Variants in ITSN1 observed in about 807,000 individuals in gnomAD.
ITSN1 encodes the protein intersectin 1.
In ITSN1, 58 loss-of-function variants were observed where a neutral mutation model predicts 239.8. The observed-to-expected ratio is 0.24, with a 90% CI of 0.20 to 0.30. The LOEUF is 0.30. Ranked by LOEUF, ITSN1 falls within the 10% of genes least tolerant of loss-of-function variation. The probability of loss-of-function intolerance (pLI) is 1.00; values close to 1 mark genes in which losing one functional copy is unlikely to be tolerated. For missense variants in ITSN1, 1,558 were observed against 2,103.3 expected, an observed-to-expected ratio of 0.74 and a Z score of 5.07; for synonymous variants, 780 against 770.8, an observed-to-expected ratio of 1.01 and a Z score of -0.20.
chr21:33,663,986 A>G (rs940438500), intron 1 of ITSN1, among the ~76,000 whole-genome samples: 3 of 152,192 alleles, frequency 2.0e-5, no homozygotes, highest in Admixed American at 6.5e-5. Flanking sequence ...CCCATCAGCT[A>G]TGTAGCTACT....
chr21:33,741,641 C>T (rs577395685), intron 5 of ITSN1, among the ~76,000 whole-genome samples: 23 of 151,954 alleles, frequency 1.5e-4, no homozygotes, highest in Non-Finnish European at 2.1e-4. Context: ...GCCTGTAATC[C>T]CAGCACTTTG....
At chr21:33,775,276 G>A (rs2069509007) in intron 14 of ITSN1, among the ~76,000 whole-genome samples, 168 bp downstream of exon 14, 1 of 152,220 alleles carries the variant, frequency 6.6e-6, no homozygotes, top group Admixed American at 6.5e-5. Context: ...AGCCTGTCAA[G>A]GAGACAAACT....
At chr21:33,814,441 C>A in intron 22 of ITSN1, 1 of 209,100 alleles carries the variant, frequency 4.8e-6, no homozygotes, top group South Asian at 1.1e-4. Flanking sequence ...TAAGGAAAAT[C>A]ACATACCCCT....
chr21:33,833,451 T>C (rs1015435977), intron 27 of ITSN1, among the ~76,000 whole-genome samples: 1 of 152,246 alleles, frequency 6.6e-6, no homozygotes, highest in South Asian at 2.1e-4. Flanking sequence ...GCATCTTGGC[T>C]TGCCACTAAC....
chr21:33,681,656 A>T (rs1192226448), intron 1 of ITSN1, among the ~76,000 whole-genome samples: 1 of 116,174 alleles, frequency 8.6e-6, no homozygotes, highest in Admixed American at 8.4e-5. Context: ...ATTTTATTTT[A>T]TTTTTTGTTT....
At position 33,795,360 on chromosome 21, in the gene ITSN1, G is replaced by A. The variant is rs1424408977; in HGVS notation, c.1952+892G>A. On this transcript the variant is annotated intron_variant, in intron 17 of 39. Coordinates refer to ENST00000381318, the MANE Select transcript of ITSN1 (RefSeq NM_003024.3). Reference sequence around the variant, plus strand: ...GCTACTTGGGAGGCTGAGGCAGGAGGATCACTTGAACCCGGGAGGCGGAGG... The same window carrying A: ...GCTACTTGGGAGGCTGAGGCAGGAGAATCACTTGAACCCGGGAGGCGGAGG... Among the ~76,000 whole-genome samples, 3 of 152,100 alleles carry A rather than the reference G, an allele frequency of 2.0e-5. No homozygotes were observed. The East Asian group carries it at 5.8e-4, about 29-fold the overall frequency.
At chr21:33,687,951 G>C (rs1171495074) in intron 1 of ITSN1, among the ~76,000 whole-genome samples, 1 of 152,166 alleles carries the variant, frequency 6.6e-6, no homozygotes, top group African/African-American at 2.4e-5. Flanking sequence ...AACCTCCTAA[G>C]AATTTTGATT....
intron 1 of ITSN1, among the ~76,000 whole-genome samples, chr21:33,706,913 G>A (rs1322187713): frequency 6.6e-6 from 1 of 152,062 alleles, no homozygotes; most frequent in Non-Finnish European, 1.5e-5. Flanking sequence ...AGTAGAGATG[G>A]GGTTTCACCA....
chr21:33,718,729 G>A (rs1162520343), intron 1 of ITSN1, 68 bp from the exon 2 acceptor site: 23 of 969,888 alleles, frequency 2.4e-5, no homozygotes, highest in Non-Finnish European at 3.8e-5. Flanking sequence ...AAGATAGCAT[G>A]TTGGTGTGTT....
intron 17 of ITSN1, among the ~76,000 whole-genome samples, chr21:33,796,712 A>C (rs2071590568): frequency 6.6e-6 from 1 of 152,216 alleles, no homozygotes; most frequent in Admixed American, 6.5e-5. Flanking sequence ...TCGCAGTTTA[A>C]AGGAGTTAAT....
chr21:33,681,527 C>T (rs1018815830), intron 1 of ITSN1, among the ~76,000 whole-genome samples: 2 of 150,844 alleles, frequency 1.3e-5, no homozygotes, highest in East Asian at 2.0e-4. Flanking sequence ...CCAGCCTGGG[C>T]GACAGAGTGA....
At position 33,834,247 on chromosome 21, in the gene ITSN1, T is replaced by A. The variant is rs1602520352; in HGVS notation, c.3352-60T>A. The A allele has an allele frequency of 4.2e-6, 5 of 1,182,694 alleles. No individual in the cohort carries two copies. In the East Asian group the frequency reaches 1.2e-4, roughly 28 times the overall value. The allele number at this position is 1,182,694 out of a possible 1,614,324, so 73.3% of individuals were successfully genotyped here. A position where few individuals can be genotyped will look rare whatever the true frequency, so the allele number is the denominator to read the frequency against. ...TTTACATAAGTGCTCTGTTATAAAG[T>A]GAGCTGTATTATAAAAGATGCGCCT... is the stretch of plus-strand genomic sequence containing the variant. On this transcript the variant is annotated intron_variant, in intron 27 of 39. Transcript: ENST00000381318.
intron 5 of ITSN1, among the ~76,000 whole-genome samples, chr21:33,744,801 A>G (rs1242250211): frequency 6.6e-6 from 1 of 152,234 alleles, no homozygotes; most frequent in East Asian, 1.9e-4. Context: ...TTAAAACTCA[A>G]TAAATATTTG....
intron 1 of ITSN1, among the ~76,000 whole-genome samples, chr21:33,654,483 CTG>C (rs753090938): frequency 3.2e-4 from 49 of 152,124 alleles, no homozygotes; most frequent in African/African-American, 7.2e-5. Flanking sequence ...AAAGCTGAGA[CTG>C]TGTGATGAGA....
chr21:33,851,237 C>A (rs1978302124), intron 29 of ITSN1, among the ~76,000 whole-genome samples: 2 of 152,056 alleles, frequency 1.3e-5, no homozygotes, highest in African/African-American at 4.8e-5. Context: ...CTTGCTGGTG[C>A]CCATAGCCCC....
At chr21:33,676,835 T>G (rs1331103299) in intron 1 of ITSN1, among the ~76,000 whole-genome samples, 1 of 152,170 alleles carries the variant, frequency 6.6e-6, no homozygotes, top group Non-Finnish European at 1.5e-5. Flanking sequence ...TCCATGCCCC[T>G]ACAAAGGATG....
chr21:33,822,402 C>G (rs2073738466), intron 24 of ITSN1, among the ~76,000 whole-genome samples: 1 of 152,066 alleles, frequency 6.6e-6, no homozygotes, highest in Admixed American at 6.5e-5. Context: ...TAAAAATGAA[C>G]TTTTTGGGTA....
intron 1 of ITSN1, among the ~76,000 whole-genome samples, chr21:33,681,620 T>C (rs1335206085): frequency 3.2e-5 from 1 of 31,234 alleles, no homozygotes; most frequent in Non-Finnish European, 9.8e-5. Flanking sequence ...AACCAGTTTT[T>C]ATTTTATTTT....
intron 1 of ITSN1, among the ~76,000 whole-genome samples, chr21:33,656,150 T>A (rs1216819936): frequency 6.6e-6 from 1 of 152,142 alleles, no homozygotes; most frequent in East Asian, 1.9e-4. Context: ...GAACCCATCA[T>A]ATGACCAAGG....
Sources: allele counts gnomAD v4.1 joint callset (sites outside exome capture counted in the v4.1 genomes callset), GRCh38; gene constraint gnomAD v4.1.1; transcripts MANE v1.5; gene names NCBI Gene and HGNC (gene_info 2026-07-23, HGNC 2026-07-21).